The following UPRT variants were observed in gnomAD, a reference collection of about 807,000 sequenced individuals.
UPRT encodes the protein uracil phosphoribosyltransferase homolog, also known as RP11-311P8.3.
UPRT carries 5 observed loss-of-function variants against 22.6 expected under a neutral mutation model. That is an observed-to-expected ratio of 0.22 (90% CI 0.12 to 0.47). The LOEUF (loss-of-function observed/expected upper bound fraction) is 0.47. Among genes scored for constraint, UPRT ranks in the 20% least tolerant of loss-of-function variants. UPRT has a pLI of 0.99. For missense variants in UPRT, 181 were observed against 239.9 expected (o/e 0.75, Z 1.62); for synonymous variants, 77 against 87.7 (o/e 0.88, Z 0.68).
At chrX:75,186,533 T>C (rs997224979) in intron 4 of UPRT, among the ~76,000 whole-genome samples, 1 of 111,878 alleles carries the variant, frequency 8.9e-6, no homozygotes, top group Non-Finnish European at 1.9e-5. Flanking sequence ...AAATGTCTAT[T>C]AGGTCTGCTT....
intron 1 of UPRT, among the ~76,000 whole-genome samples, chrX:75,289,583 A>G (rs973705767): frequency 2.7e-5 from 3 of 111,849 alleles, no homozygotes; most frequent in African/African-American, 9.8e-5. Flanking sequence ...CAGTAACCAA[A>G]ACAGCATGGT....
intron 4 of UPRT, among the ~76,000 whole-genome samples, chrX:75,172,915 A>T (rs1318600168): frequency 9.0e-6 from 1 of 110,951 alleles, no homozygotes; most frequent in Non-Finnish European, 1.9e-5. Flanking sequence ...GAAAGAACAA[A>T]TCTTCCACAG....
At chrX:75,240,046 A>T (rs2082483392) in intron 4 of UPRT, among the ~76,000 whole-genome samples, 1 of 111,320 alleles carries the variant, frequency 9.0e-6, no homozygotes, top group Admixed American at 9.6e-5. Flanking sequence ...CAAGACAAAG[A>T]TGCCTACTTT....
chrX:75,238,165 C>G (rs1402843873), intron 4 of UPRT, among the ~76,000 whole-genome samples: 1 of 111,271 alleles, frequency 9.0e-6, no homozygotes, highest in Non-Finnish European at 1.9e-5. Flanking sequence ...CCTAAATGCT[C>G]TGCTTAAAAG....
chrX:75,259,458 A>C (rs771335570), intron 4 of UPRT, among the ~76,000 whole-genome samples: 1 of 108,100 alleles, frequency 9.3e-6, no homozygotes, highest in Admixed American at 1.0e-4. Context: ...GACCTTTTGA[A>C]GCATACACGA....
intron 4 of UPRT, among the ~76,000 whole-genome samples, chrX:75,299,477 T>A (rs2082736958): frequency 8.9e-6 from 1 of 111,959 alleles, no homozygotes; most frequent in African/African-American, 3.2e-5. Context: ...CACGGAAGCA[T>A]GACAGCTCTA....
intron 4 of UPRT, among the ~76,000 whole-genome samples, chrX:75,183,329 A>C (rs868839302): frequency 1.8e-5 from 2 of 111,335 alleles, no homozygotes; most frequent in African/African-American, 6.5e-5. Flanking sequence ...AGCTTCATCC[A>C]TGTCCCCACA....
chrX:75,158,131 T>C (rs969848095), intron 1 of UPRT, among the ~76,000 whole-genome samples: 1 of 112,088 alleles, frequency 8.9e-6, no homozygotes, highest in Non-Finnish European at 1.9e-5. Flanking sequence ...TGTTACTCTA[T>C]GATGAGCTAA....
chrX:75,163,591 A>G (rs1208798487), intron 3 of UPRT, among the ~76,000 whole-genome samples: 1 of 112,021 alleles, frequency 8.9e-6, no homozygotes, highest in Non-Finnish European at 1.9e-5. Context: ...GTTGCAGATC[A>G]AGTTGTAAAT....
chrX:75,184,325 G>C (rs368357197), intron 4 of UPRT, among the ~76,000 whole-genome samples: 5 of 111,502 alleles, frequency 4.5e-5, no homozygotes, highest in Admixed American at 9.5e-5. Flanking sequence ...TCAAAGACCA[G>C]ATAGTTGTAG....
chrX:75,191,398 CT>C (rs2147618332), intron 4 of UPRT, among the ~76,000 whole-genome samples: 1 of 111,999 alleles, frequency 8.9e-6, no homozygotes, highest in East Asian at 2.8e-4. Context: ...TTAGGGGGTG[CT>C]TCCCAGTTAG....
chrX:75,254,114 G>A (rs1448906479), intron 4 of UPRT, among the ~76,000 whole-genome samples: 1 of 111,482 alleles, frequency 9.0e-6, no homozygotes, highest in East Asian at 2.8e-4. Flanking sequence ...CCACAAGTAG[G>A]GGAAAAAGGA....
chrX:75,301,242 T>C (rs1452304966), intron 6 of UPRT, among the ~76,000 whole-genome samples: 8 of 112,127 alleles, frequency 7.1e-5, no homozygotes, highest in Non-Finnish European at 1.5e-4. Flanking sequence ...ACTCAAAGGT[T>C]CCTATTTCCC....
intron 4 of UPRT, among the ~76,000 whole-genome samples, chrX:75,250,353 A>G (rs1265420341): frequency 9.0e-6 from 1 of 110,739 alleles, no homozygotes; most frequent in Non-Finnish European, 1.9e-5. Flanking sequence ...AATCAATTAG[A>G]TGCAATAAAA....
At chrX:75,204,057 T>A (rs2147624443) in intron 4 of UPRT, among the ~76,000 whole-genome samples, 1 of 109,473 alleles carries the variant, frequency 9.1e-6, no homozygotes, top group African/African-American at 3.3e-5. Context: ...CTGGACTTGG[T>A]GGAGAAGGAT....
At chrX:75,284,897 T>A (rs1053151482) in intron 1 of UPRT, among the ~76,000 whole-genome samples, 10 of 109,966 alleles carry the variant, frequency 9.1e-5, no homozygotes, top group African/African-American at 2.0e-4. Context: ...GCTACCAGGG[T>A]GAGTAGGGAA....
intron 4 of UPRT, among the ~76,000 whole-genome samples, chrX:75,172,091 G>A (rs1409468883): frequency 8.9e-6 from 1 of 112,202 alleles, no homozygotes; most frequent in East Asian, 2.8e-4. Flanking sequence ...TTTCAAGAGA[G>A]CATCAGCTAT....
At chrX:75,167,038 G>T (rs1416318568) in intron 3 of UPRT, among the ~76,000 whole-genome samples, 3 of 111,822 alleles carry the variant, frequency 2.7e-5, no homozygotes, top group Non-Finnish European at 3.8e-5. Context: ...ACATGTGCAT[G>T]CATTTCTTTT....
At chrX:75,192,218 C>T (rs1442578345) in intron 4 of UPRT, among the ~76,000 whole-genome samples, 2 of 111,507 alleles carry the variant, frequency 1.8e-5, no homozygotes, top group Non-Finnish European at 3.8e-5. Flanking sequence ...ATTATTTACC[C>T]AGTAGTCATT....
Sources: allele counts gnomAD v4.1 joint callset (sites outside exome capture counted in the v4.1 genomes callset), GRCh38; gene constraint gnomAD v4.1.1; transcripts MANE v1.5; gene names NCBI Gene and HGNC (gene_info 2026-07-23, HGNC 2026-07-21).